The following EPHA6 variants were observed in gnomAD, a reference collection of about 807,000 sequenced individuals.
EPHA6 encodes the protein ephrin type-A receptor 6.
Under a neutral mutation model 112.0 loss-of-function variants are expected in EPHA6, and 50 were observed. That is an observed-to-expected ratio of 0.45 (90% CI 0.36 to 0.56). The LOEUF is 0.56. Among genes scored for constraint, EPHA6 ranks in the 20% least tolerant of loss-of-function variants. The pLI is 0.00. For missense variants in EPHA6, 1,280 were observed against 1,417.4 expected (o/e 0.90, Z 1.56); for synonymous variants, 529 against 490.7 (o/e 1.08, Z -1.03).
intron 5 of EPHA6, among the ~76,000 whole-genome samples, chr3:97,359,441 G>C (rs911794503): frequency 9.2e-5 from 13 of 141,514 alleles, no homozygotes; most frequent in Non-Finnish European, 3.1e-5. Flanking sequence ...TTTCCATTTT[G>C]TTCATACATT....
intron 14 of EPHA6, among the ~76,000 whole-genome samples, chr3:97,715,675 T>A (rs558790605): frequency 3.3e-5 from 5 of 152,338 alleles, no homozygotes; most frequent in African/African-American, 1.2e-4. Flanking sequence ...TGGTCTCTCC[T>A]CTGCAGATTA....
intron 2 of EPHA6, among the ~76,000 whole-genome samples, chr3:96,925,482 G>A (rs1387761254): frequency 1.3e-5 from 2 of 152,048 alleles, no homozygotes; most frequent in African/African-American, 4.8e-5. Flanking sequence ...TGTGGGGTCA[G>A]TGGTGTTATT....
intron 3 of EPHA6, among the ~76,000 whole-genome samples, chr3:97,027,571 A>G (rs2044685593): frequency 6.6e-6 from 1 of 152,216 alleles, no homozygotes; most frequent in South Asian, 2.1e-4. Context: ...TACTAGTGTC[A>G]GTAGGATTTT....
intron 14 of EPHA6, among the ~76,000 whole-genome samples, chr3:97,659,057 A>G (rs2094153611): frequency 6.6e-6 from 1 of 152,004 alleles, no homozygotes; most frequent in South Asian, 2.1e-4. Context: ...AATAACTCTG[A>G]ACTATTTACC....
chr3:97,517,312 G>C (rs2092462708), intron 10 of EPHA6, among the ~76,000 whole-genome samples: 1 of 152,174 alleles, frequency 6.6e-6, no homozygotes, highest in Middle Eastern at 3.4e-3. Flanking sequence ...CAGTAAGAGG[G>C]TGTTAGAAAG....
chr3:97,637,436 A>G (rs1199223386), intron 13 of EPHA6, among the ~76,000 whole-genome samples: 1 of 151,916 alleles, frequency 6.6e-6, no homozygotes, highest in Non-Finnish European at 1.5e-5. Flanking sequence ...ATCTCCAGTT[A>G]TCACACGGGT....
intron 14 of EPHA6, among the ~76,000 whole-genome samples, chr3:97,694,546 C>T (rs2032903470): frequency 6.6e-6 from 1 of 152,098 alleles, no homozygotes; most frequent in Non-Finnish European, 1.5e-5. Context: ...CTGTGAGTCC[C>T]TTTCATATCT....
chr3:97,441,379 T>C, intron 6 of EPHA6: 2 of 736,248 alleles, frequency 2.7e-6, no homozygotes, highest in Non-Finnish European at 3.3e-6. Context: ...TTTTATAACA[T>C]CCATAATTCA....
intron 5 of EPHA6, among the ~76,000 whole-genome samples, chr3:97,254,080 T>G (rs1055247882): frequency 4.6e-5 from 7 of 151,856 alleles, no homozygotes; most frequent in African/African-American, 1.7e-4. Context: ...TATCTGCTGG[T>G]TTTTTTTAGC....
Position 97,294,230 on chromosome 3 carries a change from C to T in EPHA6, c.1606+49943C>T, listed in dbSNP as rs191025749. Among the ~76,000 whole-genome samples, 522 of 152,290 alleles carry T rather than the reference C, an allele frequency of 3.4e-3. 6 individuals are homozygous for T. Among genetic ancestry groups the T allele is most frequent in the Middle Eastern group, 0.017 (5 of 294 alleles). ...GGCAGGGCTCCCACCTTTTCTCAGC[C>T]CCCACTGAATCCACAAAGCACACAG... On this transcript the variant is annotated intron_variant, in intron 5 of 17. Coordinates refer to ENST00000389672, the MANE Select transcript of EPHA6 (RefSeq NM_001080448.3).
intron 2 of EPHA6, among the ~76,000 whole-genome samples, chr3:96,867,909 A>G (rs2036410644): frequency 6.6e-6 from 1 of 151,776 alleles, no homozygotes; most frequent in Admixed American, 6.6e-5. Context: ...TTAACAGCCC[A>G]TTTGCTTCTT....
intron 3 of EPHA6, among the ~76,000 whole-genome samples, chr3:97,097,936 ACTC>A (rs1178069393): frequency 1.3e-5 from 2 of 151,830 alleles, no homozygotes; most frequent in African/African-American, 4.8e-5. Context: ...CCACAGTTCT[ACTC>A]CTGTCAAATT....
At chr3:97,000,456 A>G (rs2043611549) in intron 3 of EPHA6, among the ~76,000 whole-genome samples, 2 of 151,666 alleles carry the variant, frequency 1.3e-5, no homozygotes, top group Non-Finnish European at 2.9e-5. Context: ...GAGCCTTACA[A>G]TGTAGAAGTT....
chr3:97,562,829 C>G (rs1049566124), intron 11 of EPHA6, among the ~76,000 whole-genome samples: 1 of 152,086 alleles, frequency 6.6e-6, no homozygotes, highest in South Asian at 2.1e-4. Flanking sequence ...CCCCAACGTT[C>G]GGATACATCA....
intron 2 of EPHA6, among the ~76,000 whole-genome samples, chr3:96,967,033 A>C (rs2042146223): frequency 6.6e-6 from 1 of 151,954 alleles, no homozygotes; most frequent in South Asian, 2.1e-4. Context: ...TTGTGTAAGC[A>C]TAAAACTTAT....
At chr3:97,132,763 G>C (rs1390373034) in intron 3 of EPHA6, among the ~76,000 whole-genome samples, 3 of 152,040 alleles carry the variant, frequency 2.0e-5, no homozygotes, top group African/African-American at 7.2e-5. Flanking sequence ...CCCCTAAAAA[G>C]TGTGGCTCTG....
intron 14 of EPHA6, among the ~76,000 whole-genome samples, chr3:97,661,180 C>T (rs573433303): frequency 1.3e-5 from 2 of 152,120 alleles, no homozygotes; most frequent in South Asian, 2.1e-4. Context: ...TTATACACTG[C>T]ACTTTTCATA....
intron 3 of EPHA6, among the ~76,000 whole-genome samples, chr3:97,215,079 C>T (rs750480247): frequency 9.2e-5 from 14 of 152,108 alleles, no homozygotes; most frequent in African/African-American, 1.9e-4. Flanking sequence ...GAAAAGCAGT[C>T]GATTATATTA....
intron 14 of EPHA6, among the ~76,000 whole-genome samples, chr3:97,693,413 A>C (rs2032802019): frequency 6.6e-6 from 1 of 152,226 alleles, no homozygotes; most frequent in Non-Finnish European, 1.5e-5. Flanking sequence ...CTGAAGGACA[A>C]TTGTTTCTAG....
Sources: allele counts gnomAD v4.1 joint callset (sites outside exome capture counted in the v4.1 genomes callset), GRCh38; gene constraint gnomAD v4.1.1; transcripts MANE v1.5; gene names NCBI Gene and HGNC (gene_info 2026-07-23, HGNC 2026-07-21).